PCDHA11: variants seen among roughly 807,000 people sequenced by gnomAD.
The protein encoded by PCDHA11 is protocadherin alpha 11, also known as protocadherin alpha-11.
A neutral mutation model predicts 70.3 loss-of-function variants in PCDHA11; 61 were observed. The ratio of observed to expected loss-of-function variants is 0.87; its 90% CI spans 0.71 to 1.07. The LOEUF (loss-of-function observed/expected upper bound fraction) is 1.07, where lower values mean the gene tolerates loss of function less well. Ranked by LOEUF, PCDHA11 falls within the 50% of genes least tolerant of loss-of-function variation. The pLI is 0.00. For synonymous variants in PCDHA11, 633 were observed against 555.1 expected (o/e 1.14, Z -1.97); for missense variants, 1,324 against 1,237.5 (o/e 1.07, Z -1.05).
rs781970935 is a variant in PCDHA11 at position 140,982,505 on chromosome 5, A to G, written c.2481A>G (p.Leu827=). The change falls in exon 3 of 4, where the codon CTA becomes CTG. Residue 827 remains leucine (L), a synonymous_variant. Coordinates refer to ENST00000398640, the MANE Select transcript of PCDHA11 (RefSeq NM_018902.5). ...TGCACCTAGAGGAGGCTGGCATTCT[A>G]CGGGCTGGTCCAGGAGGGCCTGATC... ...SSVHLEEAGI[L]RAGPGGPDQQ... The G allele has an allele frequency of 1.2e-6, 2 of 1,614,220 alleles. No homozygotes were observed. The highest frequency in any genetic ancestry group is 8.5e-7 in the Non-Finnish European group (1 of 1,180,032).
At chr5:140,881,594 A>G (rs1464236535) in intron 1 of PCDHA11, among the ~76,000 whole-genome samples, 7 of 152,244 alleles carry the variant, frequency 4.6e-5, no homozygotes, top group Admixed American at 6.5e-5. Context: ...AGGGAAATTT[A>G]TTAATATGAT....
chr5:140,884,582 T>G, intron 1 of PCDHA11: 1 of 1,614,172 alleles, frequency 6.2e-7, no homozygotes, highest in South Asian at 1.1e-5. Flanking sequence ...CCTCATGGCC[T>G]TCAGTCCCAG....
Position 140,884,512 on chromosome 5 carries a change from G to A in PCDHA11, c.2391+13018G>A, listed in dbSNP as rs782026771. 4.3e-5 allele frequency: 70 copies of A among 1,614,202 alleles called. No individual in the cohort carries two copies. The Middle Eastern group carries it at 4.9e-4, about 11-fold the overall frequency. ...TGTGCTCCAGCGCGGCAGGGAGTTG[G>A]TCGTACTCGCAGCAGAGGCGGCCGA... is the stretch of plus-strand genomic sequence containing the variant. On this transcript the variant is annotated intron_variant, in intron 1 of 3. Transcript: ENST00000398640.
In PCDHA11 at chr5:141,011,583, A is replaced by G. The variant is rs2098421115; in HGVS notation, c.*1646A>G. On this transcript the variant is annotated 3_prime_UTR_variant, in exon 4 of 4. Transcript: ENST00000398640. ...AGTAAAATTTCTTTCTTAAATCAAG[A>G]TACTGGTGATTCAAGGAATTTTATT... is the stretch of plus-strand genomic sequence containing the variant. 1 of 153,656 alleles carries G rather than the reference A, an allele frequency of 6.5e-6. No individual in the cohort carries two copies. Among genetic ancestry groups the G allele is most frequent in the Admixed American group, 6.6e-5 (1 of 15,258 alleles). The allele number at this position is 153,656 out of a possible 1,614,324, so 9.5% of individuals were successfully genotyped here.
In PCDHA11 at chr5:140,870,870, G is replaced by T; in HGVS notation, c.1767G>T (p.Val589=). The change falls in exon 1 of 4, where the codon GTG becomes GTT. Residue 589 remains valine (V), a synonymous_variant. Coordinates refer to ENST00000398640, the MANE Select transcript of PCDHA11 (RefSeq NM_018902.5). ...LVPRSVGAGH[V]VAKVRAVDAD... is the part of the protein sequence containing the mutation. ...CGCGGTCGGTGGGTGCGGGCCACGT[G>T]GTGGCGAAGGTGCGCGCAGTGGATG... The T allele has an allele frequency of 6.2e-7, 1 of 1,613,948 alleles. No individual in the cohort carries two copies. The highest frequency in any genetic ancestry group is 1.3e-5 in the African/African-American group (1 of 75,072).
At chr5:140,950,065 G>A (rs1403260430) in intron 1 of PCDHA11, among the ~76,000 whole-genome samples, 1 of 151,574 alleles carries the variant, frequency 6.6e-6, no homozygotes, top group Non-Finnish European at 1.5e-5. Context: ...AGCTCTTCCT[G>A]TGCCATTGCT....
intron 1 of PCDHA11, among the ~76,000 whole-genome samples, chr5:140,892,977 G>A (rs188368199): frequency 1.8e-4 from 27 of 152,270 alleles, no homozygotes; most frequent in Admixed American, 6.5e-4. Flanking sequence ...TTTTGTAGCT[G>A]CCGTATAAGT....
At chr5:140,996,811 A>G (rs2097746792) in intron 3 of PCDHA11, among the ~76,000 whole-genome samples, 1 of 152,212 alleles carries the variant, frequency 6.6e-6, no homozygotes, top group African/African-American at 2.4e-5. Flanking sequence ...ATGCTTTCCA[A>G]AAGTAACCAC....
chr5:140,993,462 T>TCACACACACACACA (rs3836747), intron 3 of PCDHA11, among the ~76,000 whole-genome samples: 3 of 140,938 alleles, frequency 2.1e-5, no homozygotes, highest in African/African-American at 5.3e-5. Flanking sequence ...TCTTTCTTTC[T>TCACACACACACACA]CACACACACA....
In PCDHA11 at chr5:141,011,084, C is replaced by T. The variant is rs928216799; in HGVS notation, c.*1147C>T. 1.3e-5 allele frequency: 2 copies of T among 153,722 alleles called. No homozygotes were observed. The highest frequency in any genetic ancestry group is 6.5e-5 in the Admixed American group (1 of 15,272). The allele number at this position is 153,722 out of a possible 1,614,324, so 9.5% of individuals were successfully genotyped here. A position where few individuals can be genotyped will look rare whatever the true frequency, so the allele number is the denominator to read the frequency against. ...CATGTATTACTAAATAAAATGATCT[C>T]TCTTTCTCTCTCTCTCTCTCTTTTC... On this transcript the variant is annotated 3_prime_UTR_variant, in exon 4 of 4. Coordinates refer to ENST00000398640, the MANE Select transcript of PCDHA11 (RefSeq NM_018902.5).
intron 1 of PCDHA11, chr5:140,928,901 T>A (rs781842258): frequency 6.2e-7 from 1 of 1,614,212 alleles, no homozygotes. Flanking sequence ...TTTGAAGATG[T>A]CTGGGAACCA....
At chr5:140,916,472 G>A (rs2077581791) in intron 1 of PCDHA11, among the ~76,000 whole-genome samples, 1 of 152,192 alleles carries the variant, frequency 6.6e-6, no homozygotes, top group Non-Finnish European at 1.5e-5. Context: ...TGGTTATTTG[G>A]TGCCCAAGGG....
At chr5:141,002,532 C>T (rs571310813) in intron 3 of PCDHA11, among the ~76,000 whole-genome samples, 26 of 152,270 alleles carry the variant, frequency 1.7e-4, no homozygotes, top group African/African-American at 6.0e-4. Flanking sequence ...AGTCAGACTC[C>T]CTAGATTTGA....
intron 1 of PCDHA11, among the ~76,000 whole-genome samples, chr5:140,930,655 C>T (rs1554207993): frequency 6.6e-6 from 1 of 152,110 alleles, no homozygotes; most frequent in Non-Finnish European, 1.5e-5. Context: ...TGAAGCATTC[C>T]TTGTTTTACT....
At chr5:140,926,650 T>G (rs1014447499) in intron 1 of PCDHA11, 13 of 487,778 alleles carry the variant, frequency 2.7e-5, no homozygotes, top group Middle Eastern at 5.5e-4. Flanking sequence ...CCCGGCCGGC[T>G]CCGCTTTCCC....
In PCDHA11 at chr5:140,968,153, A is replaced by G; in HGVS notation, c.2392-10796A>G. 2 of 1,614,142 alleles carry G rather than the reference A, an allele frequency of 1.2e-6. No individual in the cohort carries two copies. The highest frequency in any genetic ancestry group is 8.5e-7 in the Non-Finnish European group (1 of 1,180,046). On this transcript the variant is annotated intron_variant, in intron 1 of 3. Coordinates refer to ENST00000398640, the MANE Select transcript of PCDHA11 (RefSeq NM_018902.5). ...ACTGAAGGTTGAGATCTCTGACATC[A>G]ATGACAATCCACCAAGCTTCCTGGA...
At chr5:140,991,440 C>T (rs2097452926) in intron 3 of PCDHA11, among the ~76,000 whole-genome samples, 1 of 152,190 alleles carries the variant, frequency 6.6e-6, no homozygotes, top group Non-Finnish European at 1.5e-5. Context: ...AACTTCATGG[C>T]TTAAAACAAC....
rs782344407 is a variant in PCDHA11 at position 140,928,808 on chromosome 5, G to T, written c.2392-50141G>T. 3.7e-6 allele frequency: 6 copies of T among 1,614,062 alleles called. No homozygotes were observed. In the Admixed American group the frequency reaches 1.0e-4, roughly 27 times the overall value. The stretch of plus-strand genomic sequence containing the variant: ...AAGCAGAGGGTGGTGGTAGTGGTTC[G>T]GGACCATGGAGACCCACCACTTTCC... On this transcript the variant is annotated intron_variant, in intron 1 of 3. Coordinates refer to ENST00000398640, the MANE Select transcript of PCDHA11 (RefSeq NM_018902.5).
intron 1 of PCDHA11, chr5:140,875,436 A>G (rs782083459): frequency 6.4e-7 from 1 of 1,564,660 alleles, no homozygotes; most frequent in Non-Finnish European, 8.6e-7. Flanking sequence ...ATCCCTTAAA[A>G]CTGATTGTCC....
Sources: allele counts gnomAD v4.1 joint callset (sites outside exome capture counted in the v4.1 genomes callset), GRCh38; gene constraint gnomAD v4.1.1; transcripts MANE v1.5; gene names NCBI Gene and HGNC (gene_info 2026-07-23, HGNC 2026-07-21).